The following DYRK1A variants were observed in gnomAD, a reference collection of about 807,000 sequenced individuals.
The protein encoded by DYRK1A is dual specificity tyrosine-phosphorylation-regulated kinase 1A.
A neutral mutation model predicts 79.7 loss-of-function variants in DYRK1A; 9 were observed. The ratio of observed to expected loss-of-function variants is 0.11; its 90% CI spans 0.07 to 0.20. DYRK1A has a LOEUF of 0.20. DYRK1A is among the 10% of genes least tolerant of loss of function. The pLI is 1.00. For missense variants in DYRK1A, 622 were observed against 956.0 expected (o/e 0.65, Z 4.61); for synonymous variants, 349 against 329.7 (o/e 1.06, Z -0.63).
intron 1 of DYRK1A, among the ~76,000 whole-genome samples, chr21:37,393,386 G>T (rs542781654): frequency 3.3e-5 from 5 of 152,126 alleles, no homozygotes; most frequent in Non-Finnish European, 7.4e-5. Flanking sequence ...ATTTTTACCG[G>T]AGTTTAATAA....
intron 3 of DYRK1A, among the ~76,000 whole-genome samples, chr21:37,475,197 G>A (rs754035279): frequency 6.6e-6 from 1 of 152,200 alleles, no homozygotes; most frequent in Admixed American, 6.5e-5. Context: ...AGATAGCTGA[G>A]GCAGCAGGAG....
At chr21:37,495,150 TTTTGTGTGTG>T (rs992386007) in intron 8 of DYRK1A, among the ~76,000 whole-genome samples, 5 of 120,096 alleles carry the variant, frequency 4.2e-5, no homozygotes, top group African/African-American at 1.6e-4. Context: ...GCCTCTGGGA[TTTTGTGTGTG>T]TGTGTGTGTG....
intron 2 of DYRK1A, among the ~76,000 whole-genome samples, chr21:37,470,728 T>C (rs2052193660): frequency 6.6e-6 from 1 of 152,254 alleles, no homozygotes; most frequent in Admixed American, 6.5e-5. Context: ...ATTTAGATTT[T>C]CAATGTTTTG....
intron 1 of DYRK1A, among the ~76,000 whole-genome samples, chr21:37,382,860 G>C (rs1327729063): frequency 1.3e-5 from 2 of 152,180 alleles, no homozygotes; most frequent in Non-Finnish European, 2.9e-5. Context: ...TAGAGAAAAA[G>C]AAGAGTTTCT....
At chr21:37,447,085 C>G (rs745355208) in intron 2 of DYRK1A, among the ~76,000 whole-genome samples, 2 of 151,984 alleles carry the variant, frequency 1.3e-5, no homozygotes, top group Non-Finnish European at 2.9e-5. Context: ...AATAAATGCT[C>G]TACTCTCCTA....
At chr21:37,422,528 T>A (rs2050503299) in intron 2 of DYRK1A, among the ~76,000 whole-genome samples, 1 of 152,152 alleles carries the variant, frequency 6.6e-6, no homozygotes, top group Non-Finnish European at 1.5e-5. Flanking sequence ...ACTGGCTTTG[T>A]TCTGTTGGTT....
chr21:37,514,874 G>A lies in DYRK1A; in HGVS notation c.*2343G>A, dbSNP rs905782890. On this transcript the variant is annotated 3_prime_UTR_variant, in exon 12 of 12. Transcript: ENST00000647188. ...TGTGCTGGTTGCCACATCTTAGCAA[G>A]CACCAAAAAACTAAAGCAGTTTTTA... The A allele has an allele frequency of 1.3e-5, 2 of 152,412 alleles. No individual in the cohort carries two copies. The highest frequency in any genetic ancestry group is 4.8e-5 in the African/African-American group (2 of 41,370). The allele number at this position is 152,412 out of a possible 1,614,324, so 9.4% of individuals were successfully genotyped here.
At chr21:37,472,511 A>G (rs1441463004) in intron 2 of DYRK1A, among the ~76,000 whole-genome samples, 173 bp from the exon 3 acceptor site, 2 of 152,240 alleles carry the variant, frequency 1.3e-5, no homozygotes, top group Admixed American at 6.5e-5. Flanking sequence ...TGGATCTTCT[A>G]TACCATTAAA....
chr21:37,385,064 C>T (rs986473685), intron 1 of DYRK1A, among the ~76,000 whole-genome samples: 2 of 151,790 alleles, frequency 1.3e-5, no homozygotes, highest in Non-Finnish European at 2.9e-5. Flanking sequence ...ACAATTGTGA[C>T]AAGCAGAAGT....
rs58947386 is a variant in DYRK1A, at chr21:37,519,736, G to GTTTTTTTTGTTTTTTTTTTTTTTT, written c.*7213_*7214insGTTTTTTTTTTTTTTTTTTTTTTT. ...AGAGTTTTGAGGTTTGTTGTGGGAA[G>GTTTTTTTTGTTTTTTTTTTTTTTT]TTTTTTTTTTTTTTTTTTTTTTTGA... On this transcript the variant is annotated 3_prime_UTR_variant, in exon 12 of 12. Transcript: ENST00000647188. 2.0e-4 allele frequency: 17 copies of GTTTTTTTTGTTTTTTTTTTTTTTT among 85,798 alleles called. 3 individuals carry two copies. The highest frequency in any genetic ancestry group is 7.3e-4 in the African/African-American group (15 of 20,610). 5.3% of individuals were successfully genotyped at this position (85,798 alleles called of 1,614,324 possible).
Position 37,390,543 on chromosome 21 carries a change from C to T in DYRK1A, c.-77+22915C>T, listed in dbSNP as rs561690303. ...GTTCTTTATGGGGAGAGAATGTTGC[C>T]TAGGATCATTTACACATTTTGTCGT... On this transcript the variant is annotated intron_variant, in intron 1 of 11. Transcript: ENST00000647188. Among the ~76,000 whole-genome samples, 6 of 152,200 alleles carry T rather than the reference C, an allele frequency of 3.9e-5. No individual in the cohort carries two copies. The South Asian group carries it at 1.2e-3, about 32-fold the overall frequency.
At chr21:37,376,473 C>T (rs1250208313) in intron 1 of DYRK1A, among the ~76,000 whole-genome samples, 2 of 151,960 alleles carry the variant, frequency 1.3e-5, no homozygotes, top group Non-Finnish European at 2.9e-5. Context: ...CGTGCCACTG[C>T]GACAGAGTGA....
upstream of DYRK1A, among the ~76,000 whole-genome samples, chr21:37,366,532 C>T (rs1046485958): frequency 6.6e-6 from 1 of 151,500 alleles, no homozygotes; most frequent in African/African-American, 2.4e-5. Flanking sequence ...CTCCCCTCCC[C>T]CGGGCGAATC....
At chr21:37,367,973 A>C (rs368433705) in intron 1 of DYRK1A, 2 of 163,152 alleles carry the variant, frequency 1.2e-5, no homozygotes, top group South Asian at 1.7e-4. Flanking sequence ...CTTCCTCCTC[A>C]TCCTCTTCCC....
intron 2 of DYRK1A, among the ~76,000 whole-genome samples, chr21:37,446,515 T>C (rs1187894850): frequency 6.6e-6 from 1 of 152,190 alleles, no homozygotes; most frequent in Admixed American, 6.5e-5. Flanking sequence ...CACATGGCTT[T>C]CCAGCTATTA....
rs1302340014 is a variant in DYRK1A, at chr21:37,490,529, A to G, written c.924+68A>G. Reference sequence around the variant, plus strand: ...TAGAAGTAGGTAGGACAGTGTAGGTATTAGGTTGGCGCAAAAGTAATTGCG... The same window carrying G: ...TAGAAGTAGGTAGGACAGTGTAGGTGTTAGGTTGGCGCAAAAGTAATTGCG... On this transcript the variant is annotated intron_variant, in intron 7 of 11. Coordinates refer to ENST00000647188, the MANE Select transcript of DYRK1A (RefSeq NM_001347721.2). 42 of 1,296,532 alleles carry G rather than the reference A, an allele frequency of 3.2e-5. No homozygotes were observed. The Admixed American group carries it at 3.7e-4, about 12-fold the overall frequency. 80.3% of individuals were successfully genotyped at this position (1,296,532 alleles called of 1,614,324 possible).
chr21:37,462,419 A>G (rs1002105517), intron 2 of DYRK1A, among the ~76,000 whole-genome samples: 1 of 152,122 alleles, frequency 6.6e-6, no homozygotes, highest in Non-Finnish European at 1.5e-5. Context: ...CCTAGCCCTA[A>G]ATGTGGATTT....
chr21:37,422,167 C>CT (rs2050493807), intron 2 of DYRK1A, among the ~76,000 whole-genome samples: 1 of 152,062 alleles, frequency 6.6e-6, no homozygotes, highest in African/African-American at 2.4e-5. Context: ...GCCTTGTATT[C>CT]TTTAAAAATT....
rs140956552 is a variant in DYRK1A, at chr21:37,379,270, A to G, written c.-77+11642A>G. ...GGCAGGACCATTCTAGATGTAATGT[A>G]TAGGCATGAGGGAATACGAAGAGGT... On this transcript the variant is annotated intron_variant, in intron 1 of 11. Transcript: ENST00000647188. Among the ~76,000 whole-genome samples, 44 of 152,318 alleles carry G rather than the reference A, an allele frequency of 2.9e-4. No homozygotes were observed. The East Asian group carries it at 7.7e-3, about 27-fold the overall frequency.
Sources: allele counts gnomAD v4.1 joint callset (sites outside exome capture counted in the v4.1 genomes callset), GRCh38; gene constraint gnomAD v4.1.1; transcripts MANE v1.5; gene names NCBI Gene and HGNC (gene_info 2026-07-23, HGNC 2026-07-21).